ZNF804A: variants seen among roughly 807,000 people sequenced by gnomAD.
The protein encoded by ZNF804A is zinc finger protein 804A.
ZNF804A carries 2 observed loss-of-function variants against 16.5 expected under a neutral mutation model. That is an observed-to-expected ratio of 0.12 (90% confidence interval 0.05 to 0.38). The LOEUF (loss-of-function observed/expected upper bound fraction) is 0.38, where lower values mean the gene tolerates loss of function less well. Among genes scored for constraint, ZNF804A ranks in the 10% least tolerant of loss-of-function variants. The probability of loss-of-function intolerance (pLI) is 0.99; values close to 1 mark genes in which losing one functional copy is unlikely to be tolerated. For missense variants in ZNF804A, 1,473 were observed against 1,390.7 expected (o/e 1.06, Z -0.94); for synonymous variants, 534 against 489.6 (o/e 1.09, Z -1.20).
chr2:184,705,719 T>C (rs1268863520), intron 1 of ZNF804A, among the ~76,000 whole-genome samples: 1 of 152,036 alleles, frequency 6.6e-6, no homozygotes, highest in Non-Finnish European at 1.5e-5. Context: ...CACACATAAA[T>C]ACACACACAT....
chr2:184,875,745 C>T (rs1696045023), intron 2 of ZNF804A, among the ~76,000 whole-genome samples: 1 of 146,324 alleles, frequency 6.8e-6, no homozygotes. Context: ...GTATGTCACT[C>T]TGAATTTTAG....
chr2:184,792,015 G>C (rs1453961951), intron 1 of ZNF804A, among the ~76,000 whole-genome samples: 1 of 152,002 alleles, frequency 6.6e-6, no homozygotes, highest in Non-Finnish European at 1.5e-5. Context: ...TTTCCTCTTA[G>C]TGCTGATTAA....
chr2:184,774,327 A>G (rs1268446481), intron 1 of ZNF804A, among the ~76,000 whole-genome samples: 1 of 151,940 alleles, frequency 6.6e-6, no homozygotes, highest in East Asian at 1.9e-4. Flanking sequence ...CCTGGTGTAC[A>G]GCATGTGTGT....
chr2:184,684,696 T>C (rs1257898227), intron 1 of ZNF804A, among the ~76,000 whole-genome samples: 2 of 152,136 alleles, frequency 1.3e-5, no homozygotes, highest in Non-Finnish European at 2.9e-5. Flanking sequence ...CAGTACCCAA[T>C]AGGTAGATTT....
intron 1 of ZNF804A, among the ~76,000 whole-genome samples, chr2:184,605,075 T>C (rs971071721): frequency 6.6e-6 from 1 of 152,192 alleles, no homozygotes; most frequent in African/African-American, 2.4e-5. Context: ...ATTTGGGAAA[T>C]GGTTTATTAA....
At chr2:184,852,415 C>T (rs934225337) in intron 1 of ZNF804A, among the ~76,000 whole-genome samples, 2 of 150,534 alleles carry the variant, frequency 1.3e-5, no homozygotes, top group African/African-American at 4.9e-5. Flanking sequence ...TTAATTGTTT[C>T]CTTGACTGTG....
Position 184,849,733 on chromosome 2 carries a change from G to A in ZNF804A, c.112-16636G>A, listed in dbSNP as rs147055129. Among the ~76,000 whole-genome samples the A allele has an allele frequency of 2.6e-3, 394 of 151,678 alleles. 1 individual carries two copies. The highest frequency in any genetic ancestry group is 4.6e-3 in the Non-Finnish European group (314 of 67,660). On this transcript the variant is annotated intron_variant, in intron 1 of 3. Coordinates refer to ENST00000302277, the MANE Select transcript of ZNF804A (RefSeq NM_194250.2). ...ATATGATTCAGCAATCCCAGTGCTA[G>A]GAAATTAGTATATTGAGGAGATATC... is the stretch of plus-strand genomic sequence containing the variant.
At chr2:184,743,352 G>A (rs1033362206) in intron 1 of ZNF804A, among the ~76,000 whole-genome samples, 9 of 151,990 alleles carry the variant, frequency 5.9e-5, no homozygotes, top group Non-Finnish European at 8.8e-5. Context: ...GTTTCTAATA[G>A]CAATGGTATT....
chr2:184,916,343 A>T (rs982865004), intron 2 of ZNF804A, among the ~76,000 whole-genome samples: 3 of 152,150 alleles, frequency 2.0e-5, no homozygotes, highest in African/African-American at 7.2e-5. Flanking sequence ...TAATCTAAAT[A>T]TATATTTTAT....
intron 1 of ZNF804A, among the ~76,000 whole-genome samples, chr2:184,707,787 A>G (rs1023260645): frequency 1.3e-5 from 2 of 151,888 alleles, no homozygotes; most frequent in African/African-American, 2.4e-5. Context: ...AGAATGATTT[A>G]TTTTCTTTTG....
chr2:184,705,210 A>G (rs1201887342), intron 1 of ZNF804A, among the ~76,000 whole-genome samples: 4 of 152,194 alleles, frequency 2.6e-5, no homozygotes, highest in Non-Finnish European at 5.9e-5. Flanking sequence ...AGAAAAGGAT[A>G]TTGAAGACAG....
chr2:184,658,069 T>C (rs1423044981), intron 1 of ZNF804A, among the ~76,000 whole-genome samples: 1 of 152,228 alleles, frequency 6.6e-6, no homozygotes, highest in Non-Finnish European at 1.5e-5. Flanking sequence ...TCACATAAAA[T>C]TGTTTCTCAT....
At chr2:184,763,575 G>T (rs1694072534) in intron 1 of ZNF804A, among the ~76,000 whole-genome samples, 1 of 140,442 alleles carries the variant, frequency 7.1e-6, no homozygotes, top group African/African-American at 2.6e-5. Flanking sequence ...TGAATATCTG[G>T]TATTAAGGTG....
At chr2:184,752,156 T>G (rs1313525436) in intron 1 of ZNF804A, among the ~76,000 whole-genome samples, 1 of 151,484 alleles carries the variant, frequency 6.6e-6, no homozygotes, top group East Asian at 1.9e-4. Context: ...AAGAAATAAT[T>G]ATATAAAAAA....
intron 1 of ZNF804A, among the ~76,000 whole-genome samples, chr2:184,781,001 T>C (rs1282831411): frequency 6.6e-6 from 1 of 151,742 alleles, no homozygotes; most frequent in Admixed American, 6.6e-5. Flanking sequence ...TTCCATGAAG[T>C]CTGACTGGGG....
chr2:184,623,875 G>C (rs558190437), intron 1 of ZNF804A, among the ~76,000 whole-genome samples: 1 of 152,268 alleles, frequency 6.6e-6, no homozygotes, highest in Admixed American at 6.6e-5. Flanking sequence ...TCCTTACTCA[G>C]ATTATAACAT....
chr2:184,604,879 A>G (rs914624044), intron 1 of ZNF804A, among the ~76,000 whole-genome samples: 4 of 152,172 alleles, frequency 2.6e-5, no homozygotes, highest in South Asian at 2.1e-4. Flanking sequence ...TAGGATCTCT[A>G]TCATAATAAG....
At chr2:184,875,821 C>T (rs964766802) in intron 2 of ZNF804A, among the ~76,000 whole-genome samples, 1 of 150,754 alleles carries the variant, frequency 6.6e-6, no homozygotes, top group African/African-American at 2.4e-5. Context: ...AAAAAATTTC[C>T]TGTAGACTTC....
intron 1 of ZNF804A, among the ~76,000 whole-genome samples, chr2:184,769,881 CATTTTTTTAGA>C (rs1238137810): frequency 1.3e-5 from 2 of 151,976 alleles, no homozygotes; most frequent in African/African-American, 2.4e-5. Flanking sequence ...TTCAAGAAAG[CATTTTTTTAGA>C]AGTTGGGCTT....
Sources: allele counts gnomAD v4.1 joint callset (sites outside exome capture counted in the v4.1 genomes callset), GRCh38; gene constraint gnomAD v4.1.1; transcripts MANE v1.5; gene names NCBI Gene and HGNC (gene_info 2026-07-23, HGNC 2026-07-21).